Variants in SMCHD1 observed in about 807,000 individuals in gnomAD.
The protein encoded by SMCHD1 is structural maintenance of chromosomes flexible hinge domain containing 1, also known as structural maintenance of chromosomes flexible hinge domain-containing protein 1.
In SMCHD1, 78 loss-of-function variants were observed where a neutral mutation model predicts 254.7. That is an observed-to-expected ratio of 0.31 (90% CI 0.26 to 0.37). The LOEUF (loss-of-function observed/expected upper bound fraction) is 0.37. Among genes scored for constraint, SMCHD1 ranks in the 10% least tolerant of loss-of-function variants. The probability of loss-of-function intolerance (pLI) is 1.00; values close to 1 mark genes in which losing one functional copy is unlikely to be tolerated. For missense variants in SMCHD1, 1,840 were observed against 2,408.1 expected (o/e 0.76, Z 4.94); for synonymous variants, 766 against 794.9 (o/e 0.96, Z 0.61).
intron 17 of SMCHD1, among the ~76,000 whole-genome samples, chr18:2,709,602 G>GT (rs200044352): frequency 6.6e-5 from 10 of 152,012 alleles, no homozygotes; most frequent in South Asian, 2.1e-4. Flanking sequence ...TCTTACTGTG[G>GT]TTTTTTCCCC....
intron 44 of SMCHD1, among the ~76,000 whole-genome samples, chr18:2,780,505 T>A (rs1029914884): frequency 3.9e-5 from 6 of 152,194 alleles, no homozygotes; most frequent in Non-Finnish European, 7.3e-5. Context: ...TTAAATGTTA[T>A]GATAACATGG....
chr18:2,662,667 CAAAAAAAAAAAA>C (rs745838636), intron 1 of SMCHD1, among the ~76,000 whole-genome samples: 1 of 35,684 alleles, frequency 2.8e-5, no homozygotes, highest in Non-Finnish European at 5.0e-5. Context: ...AACAAAAAAC[CAAAAAAAAAAAA>C]AAAAAAAAAA....
intron 15 of SMCHD1, 28 bp from the exon 16 acceptor site, chr18:2,707,535 G>A: frequency 7.1e-7 from 1 of 1,413,694 alleles, no homozygotes; most frequent in Non-Finnish European, 9.8e-7. Context: ...AAAGTTTGTG[G>A]AACATTAATA....
At chr18:2,747,848 G>A (rs2075484678) in intron 30 of SMCHD1, among the ~76,000 whole-genome samples, 1 of 151,924 alleles carries the variant, frequency 6.6e-6, no homozygotes, top group African/African-American at 2.4e-5. Context: ...TACAACAAGG[G>A]GCCAACATTG....
chr18:2,700,390 C>A (rs1364855743), intron 10 of SMCHD1, 149 bp from the exon 11 acceptor site: 5 of 784,154 alleles, frequency 6.4e-6, no homozygotes, highest in Non-Finnish European at 9.8e-6. Flanking sequence ...TAATGTGGAA[C>A]CACTTTGTAA....
chr18:2,660,279 C>T (rs1225765925), intron 1 of SMCHD1, among the ~76,000 whole-genome samples: 4 of 152,072 alleles, frequency 2.6e-5, no homozygotes, highest in Non-Finnish European at 4.4e-5. Flanking sequence ...GAGCTGAGAA[C>T]GCACCGCTGC....
intron 45 of SMCHD1, among the ~76,000 whole-genome samples, chr18:2,788,490 G>A (rs648025): frequency 0.88 from 134,455 of 152,266 alleles, 59,917 homozygotes; most frequent in Non-Finnish European, 0.94. Context: ...TATATAATTG[G>A]GATAATTTTC....
intron 44 of SMCHD1, 146 bp downstream of exon 44, chr18:2,778,385 G>A (rs568782969): frequency 1.3e-4 from 72 of 566,646 alleles, no homozygotes; most frequent in East Asian, 2.6e-4. Context: ...TAGGCAAAAC[G>A]TAGGAATGAA....
intron 1 of SMCHD1, among the ~76,000 whole-genome samples, chr18:2,659,990 A>G (rs1568060845): frequency 6.6e-6 from 1 of 152,166 alleles, no homozygotes; most frequent in Non-Finnish European, 1.5e-5. Context: ...TTGGTAGGTA[A>G]TCATTTTATG....
intron 44 of SMCHD1, among the ~76,000 whole-genome samples, chr18:2,784,207 T>G (rs1443065526): frequency 1.3e-5 from 2 of 152,180 alleles, no homozygotes; most frequent in African/African-American, 4.8e-5. Context: ...AATCCATCAT[T>G]TACTTTTTTC....
At chr18:2,796,826 G>A in intron 47 of SMCHD1, 1 of 266,972 alleles carries the variant, frequency 3.7e-6, no homozygotes, top group South Asian at 4.8e-5. Flanking sequence ...CAAGCAGTCT[G>A]CCTGTCTTGG....
At chr18:2,751,480 GT>G in intron 33 of SMCHD1, 87 bp downstream of exon 33, 1 of 674,646 alleles carries the variant, frequency 1.5e-6, no homozygotes, top group South Asian at 1.9e-5. Context: ...AATATATAAT[GT>G]TATATAAATT....
In SMCHD1 at chr18:2,804,683, T is replaced by A. The variant is rs2076416810; in HGVS notation, c.*2131T>A. The A allele has an allele frequency of 6.6e-6, 1 of 152,236 alleles. No individual in the cohort carries two copies. Among genetic ancestry groups the A allele is most frequent in the Non-Finnish European group, 1.5e-5 (1 of 68,034 alleles). The allele number at this position is 152,236 out of a possible 1,614,324, so 9.4% of individuals were successfully genotyped here. The stretch of plus-strand genomic sequence containing the variant: ...TATCTAAGGATATTTCTCAGCATAT[T>A]AAGGAATCCTTTTCTACATTTGAGC... On this transcript the variant is annotated 3_prime_UTR_variant, in exon 48 of 48. Transcript: ENST00000320876.
chr18:2,728,758 C>T (rs1438571586), intron 23 of SMCHD1, 162 bp downstream of exon 23: 15 of 652,460 alleles, frequency 2.3e-5, no homozygotes, highest in South Asian at 8.2e-5. Flanking sequence ...TTTTTTTAAT[C>T]GTACCTAAAC....
intron 45 of SMCHD1, among the ~76,000 whole-genome samples, chr18:2,791,728 G>A (rs2076170373): frequency 6.6e-6 from 1 of 152,214 alleles, no homozygotes; most frequent in African/African-American, 2.4e-5. Flanking sequence ...GAACCCAGGA[G>A]AAGCTCAGTA....
intron 24 of SMCHD1, among the ~76,000 whole-genome samples, chr18:2,731,187 C>T (rs973658449): frequency 1.3e-5 from 2 of 152,130 alleles, no homozygotes; most frequent in Admixed American, 6.5e-5. Flanking sequence ...ATATCACTCA[C>T]GTGGATAGGC....
chr18:2,689,463 C>T (rs916625760), intron 7 of SMCHD1, among the ~76,000 whole-genome samples: 48 of 151,978 alleles, frequency 3.2e-4, no homozygotes, highest in African/African-American at 1.1e-3. Context: ...TCAAGTGATC[C>T]GCCTGCCTCA....
intron 12 of SMCHD1, 73 bp from the exon 13 acceptor site, chr18:2,703,619 T>C (rs2074451605): frequency 2.4e-6 from 3 of 1,269,744 alleles, no homozygotes; most frequent in Non-Finnish European, 3.3e-6. Context: ...AAAAATAAAA[T>C]GAATGACAAA....
In SMCHD1 at chr18:2,763,668, T is replaced by C. The variant is rs368255259; in HGVS notation, c.4598T>C (p.Leu1533Ser). 43 of 1,581,920 alleles carry C rather than the reference T, an allele frequency of 2.7e-5. No homozygotes were observed. Among genetic ancestry groups the C allele is most frequent in the Non-Finnish European group, 3.6e-5 (42 of 1,169,204 alleles). The change falls in exon 37 of 48, where the codon TTG (leucine) becomes TCG (serine). Residue 1533 changes from leucine to serine, a missense_variant. Leu to Ser is a moderately radical substitution (Grantham distance 145). This residue lies in a region of SMCHD1 where 881 missense variants were observed against 1,009.5 expected (regional missense o/e 0.87). Transcript: ENST00000320876. ...TACGACAACCATACTGGAATTGATT[T>C]GGTTGGCACTATAATAGCCACCATT... is the stretch of plus-strand genomic sequence containing the variant. ...DDYDNHTGID[L>S]VGTIIATIKG... is the part of the protein sequence containing the mutation.
Sources: allele counts gnomAD v4.1 joint callset (sites outside exome capture counted in the v4.1 genomes callset), GRCh38; gene constraint gnomAD v4.1.1; regional missense constraint gnomAD v4.1.1; transcripts MANE v1.5; gene names NCBI Gene and HGNC (gene_info 2026-07-23, HGNC 2026-07-21).